Variants in FAM110B observed in about 807,000 individuals in gnomAD.
The protein encoded by FAM110B is family with sequence similarity 110 member B.
FAM110B carries 6 observed loss-of-function variants against 20.4 expected under a neutral mutation model. The observed-to-expected ratio is 0.29, with a 90% CI of 0.16 to 0.58. FAM110B has a LOEUF of 0.58. Ranked by LOEUF, FAM110B falls within the 20% of genes least tolerant of loss-of-function variation. The probability of loss-of-function intolerance (pLI) is 0.90; values close to 1 mark genes in which losing one functional copy is unlikely to be tolerated. For synonymous variants in FAM110B, 226 were observed against 214.1 expected, an observed-to-expected ratio of 1.06 and a Z score of -0.49; for missense variants, 434 against 498.2, an observed-to-expected ratio of 0.87 and a Z score of 1.23.
intron 1 of FAM110B, among the ~76,000 whole-genome samples, chr8:58,030,942 C>T (rs1804951093): frequency 6.6e-6 from 1 of 152,094 alleles, no homozygotes; most frequent in Non-Finnish European, 1.5e-5. Context: ...CGTTTCTTTC[C>T]CCGTTTGTAA....
intron 1 of FAM110B, among the ~76,000 whole-genome samples, chr8:58,030,056 T>C (rs902676749): frequency 6.6e-6 from 1 of 152,196 alleles, no homozygotes; most frequent in Non-Finnish European, 1.5e-5. Flanking sequence ...GGTTGCAAAA[T>C]ATTAAAATAC....
At chr8:58,123,264 T>A (rs1563377990) in intron 3 of FAM110B, among the ~76,000 whole-genome samples, 1 of 152,156 alleles carries the variant, frequency 6.6e-6, no homozygotes, top group South Asian at 2.1e-4. Flanking sequence ...ACAGGCTCTG[T>A]CTTTTCAACT....
intron 2 of FAM110B, among the ~76,000 whole-genome samples, chr8:58,039,788 C>T (rs1427828727): frequency 3.9e-5 from 6 of 152,048 alleles, no homozygotes; most frequent in Non-Finnish European, 5.9e-5. Flanking sequence ...ACAGGGACTC[C>T]GTCCCTTGCT....
chr8:58,087,218 T>C (rs1460736909), intron 3 of FAM110B, among the ~76,000 whole-genome samples: 4 of 152,128 alleles, frequency 2.6e-5, no homozygotes, highest in African/African-American at 9.7e-5. Context: ...TCCTCAGGGG[T>C]GTTTACCATG....
intron 3 of FAM110B, among the ~76,000 whole-genome samples, chr8:58,114,352 C>T (rs1165234740): frequency 6.6e-6 from 1 of 152,116 alleles, no homozygotes; most frequent in East Asian, 1.9e-4. Context: ...TAATATACTT[C>T]CCTGAATTCT....
chr8:58,097,583 C>G (rs1190587689), intron 3 of FAM110B, among the ~76,000 whole-genome samples: 28 of 152,106 alleles, frequency 1.8e-4, no homozygotes, highest in Non-Finnish European at 4.4e-5. Flanking sequence ...GTTTTGTTTC[C>G]TTGCTGGCTA....
intron 3 of FAM110B, among the ~76,000 whole-genome samples, chr8:58,121,414 TTTAG>T: frequency 6.6e-6 from 1 of 152,338 alleles, no homozygotes; most frequent in Non-Finnish European, 1.5e-5. Context: ...GAATGCTTCA[TTTAG>T]TAAGTTTTGA....
chr8:58,120,420 G>A (rs1417057198), intron 3 of FAM110B, among the ~76,000 whole-genome samples: 1 of 152,092 alleles, frequency 6.6e-6, no homozygotes. Flanking sequence ...TTATCCTGTA[G>A]ACTGTGGCAC....
rs143429251 is a variant in FAM110B, at chr8:58,029,588, G to C, written c.-511-2018G>C. 4.0e-4 allele frequency among the ~76,000 whole-genome samples: 61 copies of C among 152,210 alleles called. 2 individuals carry two copies. The East Asian group carries it at 0.011, about 27-fold the overall frequency. On this transcript the variant is annotated intron_variant, in intron 1 of 3. Coordinates refer to ENST00000519262, the MANE Select transcript of FAM110B (RefSeq NM_001377989.1). ...TAGATGAAATTGTAATCTCTTAAGAGGTTATTTAGGAAATTAAAGATCCGC... is the reference window on the plus strand; with the variant it reads ...TAGATGAAATTGTAATCTCTTAAGACGTTATTTAGGAAATTAAAGATCCGC...
At chr8:58,051,721 G>A (rs1805445909) in intron 2 of FAM110B, among the ~76,000 whole-genome samples, 1 of 152,170 alleles carries the variant, frequency 6.6e-6, no homozygotes. Flanking sequence ...GGAGATAGAT[G>A]TATATTAGTA....
chr8:58,056,523 C>T (rs895462408), intron 2 of FAM110B, among the ~76,000 whole-genome samples: 1 of 152,096 alleles, frequency 6.6e-6, no homozygotes. Flanking sequence ...ACATTTAAAA[C>T]TAAAATCTTC....
chr8:58,120,563 A>C (rs898863876), intron 3 of FAM110B, among the ~76,000 whole-genome samples: 3 of 152,190 alleles, frequency 2.0e-5, no homozygotes, highest in African/African-American at 7.2e-5. Flanking sequence ...CTTTCTGTGT[A>C]ATTTATTTTT....
chr8:58,004,604 G>T (rs1457708436), intron 1 of FAM110B, among the ~76,000 whole-genome samples: 3 of 152,212 alleles, frequency 2.0e-5, no homozygotes, highest in Non-Finnish European at 4.4e-5. Context: ...AATTAGCCAG[G>T]CCTGGTTGTG....
At chr8:58,001,812 C>A (rs1804302291) in intron 1 of FAM110B, among the ~76,000 whole-genome samples, 1 of 152,080 alleles carries the variant, frequency 6.6e-6, no homozygotes, top group African/African-American at 2.4e-5. Context: ...TTCACATATA[C>A]CTTGTATTAG....
intron 3 of FAM110B, among the ~76,000 whole-genome samples, chr8:58,078,117 G>A (rs1806083560): frequency 6.6e-6 from 1 of 152,156 alleles, no homozygotes; most frequent in African/African-American, 2.4e-5. Context: ...CAGATAAGCA[G>A]CCTTATGAAT....
chr8:58,094,882 T>C (rs57239755), intron 3 of FAM110B, among the ~76,000 whole-genome samples: 2,929 of 152,040 alleles, frequency 0.019, 50 homozygotes, highest in South Asian at 0.095. Context: ...TTGTCTTGGA[T>C]TTTTTTTGGT....
chr8:58,000,985 A>G (rs1804283788), intron 1 of FAM110B, among the ~76,000 whole-genome samples: 1 of 152,218 alleles, frequency 6.6e-6, no homozygotes, highest in African/African-American at 2.4e-5. Flanking sequence ...GGTTGTTAAT[A>G]TGACTAGTCA....
chr8:58,113,881 A>G (rs1053018261), intron 3 of FAM110B, among the ~76,000 whole-genome samples: 29 of 152,366 alleles, frequency 1.9e-4, no homozygotes, highest in Middle Eastern at 3.4e-3. Flanking sequence ...TCATAAAGCA[A>G]GGAAAGAAGA....
chr8:58,045,181 A>G (rs781702755), intron 2 of FAM110B, among the ~76,000 whole-genome samples: 8 of 152,178 alleles, frequency 5.3e-5, no homozygotes, highest in Non-Finnish European at 1.0e-4. Flanking sequence ...TGGAGTTCAG[A>G]GCACACTTGA....
Sources: allele counts gnomAD v4.1 joint callset (sites outside exome capture counted in the v4.1 genomes callset), GRCh38; gene constraint gnomAD v4.1.1; transcripts MANE v1.5; gene names NCBI Gene and HGNC (gene_info 2026-07-23, HGNC 2026-07-21).